CCNB1IP1: variants seen among roughly 807,000 people sequenced by gnomAD.
CCNB1IP1 encodes the protein E3 ubiquitin-protein ligase CCNB1IP1.
CCNB1IP1 carries 14 observed loss-of-function variants against 25.6 expected under a neutral mutation model. That is an observed-to-expected ratio of 0.55 (90% CI 0.36 to 0.85). The LOEUF is 0.85. Among genes scored for constraint, CCNB1IP1 ranks in the 40% least tolerant of loss-of-function variants. The pLI is 0.01. For synonymous variants in CCNB1IP1, 119 were observed against 116.1 expected, an observed-to-expected ratio of 1.02 and a Z score of -0.16; for missense variants, 278 against 342.4, an observed-to-expected ratio of 0.81 and a Z score of 1.48.
rs1427098838 is a variant in CCNB1IP1, at chr14:20,323,781, G to C, written c.-38+1758C>G. Among the ~76,000 whole-genome samples, 3 of 151,920 alleles carry C rather than the reference G, an allele frequency of 2.0e-5. No homozygotes were observed. The East Asian group carries it at 5.8e-4, about 29-fold the overall frequency. On this transcript the variant is annotated intron_variant, in intron 4 of 6. Transcript: ENST00000358932. ...AATACAAAAAAAATTAGCCAGGCGT[G>C]GTGGCGGGCGCCTGTATTCCCAGCT... is the stretch of plus-strand genomic sequence containing the variant.
intron 6 of CCNB1IP1, among the ~76,000 whole-genome samples, chr14:20,312,544 T>C (rs1332151624): frequency 1.3e-5 from 2 of 151,986 alleles, no homozygotes; most frequent in African/African-American, 4.8e-5. Context: ...TATTAAATCT[T>C]TTTCCTCAGC....
At chr14:20,315,136 CAAAAAAAAAAAAAAAAAA>C (rs1159450735) in intron 5 of CCNB1IP1, among the ~76,000 whole-genome samples, 4 of 9,066 alleles carry the variant, frequency 4.4e-4, no homozygotes, top group Non-Finnish European at 7.9e-4. Flanking sequence ...TACACCTCAC[CAAAAAAAAAAAAAAAAAA>C]AAAAAAAAAA....
At chr14:20,331,980 A>AATATATATATATGATGTGTATAC (rs1566407853) in intron 1 of CCNB1IP1, among the ~76,000 whole-genome samples, 4 of 121,180 alleles carry the variant, frequency 3.3e-5, no homozygotes, top group Admixed American at 2.5e-4. Flanking sequence ...CCTATTCAAA[A>AATATATATATATGATGTGTATAC]ATATATATAT....
rs1454276146 is a variant in CCNB1IP1 at position 20,316,380 on chromosome 14, A to G, written c.144T>C (p.Cys48=). The change falls in exon 5 of 7, where the codon TGT becomes TGC. Residue 48 remains cysteine (C), a synonymous_variant. Coordinates refer to ENST00000358932, the MANE Select transcript of CCNB1IP1 (RefSeq NM_021178.5). Reference sequence around the variant, plus strand: ...CAGAAAGGGTACTGTTGCAGGCAGGACAGATAGCTGGTGAGCGACTAAACT... The same window carrying G: ...CAGAAAGGGTACTGTTGCAGGCAGGGCAGATAGCTGGTGAGCGACTAAACT... ...SGEFSRSPAI[C]PACNSTLSGK... is the part of the protein sequence containing the mutation. The G allele has an allele frequency of 1.9e-6, 3 of 1,613,912 alleles. No individual in the cohort carries two copies. Among genetic ancestry groups the G allele is most frequent in the Non-Finnish European group, 2.5e-6 (3 of 1,179,896 alleles).
At chr14:20,316,848 G>A (rs957329528) in intron 4 of CCNB1IP1, among the ~76,000 whole-genome samples, 2 of 152,132 alleles carry the variant, frequency 1.3e-5, no homozygotes, top group South Asian at 2.1e-4. Flanking sequence ...TGGCTCAAGC[G>A]TACAATCCCA....
chr14:20,313,397 T>TG, intron 6 of CCNB1IP1, 71 bp downstream of exon 6: 1 of 1,227,350 alleles, frequency 8.1e-7, no homozygotes, highest in Non-Finnish European at 1.1e-6. Context: ...ACTGAATGCT[T>TG]GGAAGTGGGC....
intron 1 of CCNB1IP1, among the ~76,000 whole-genome samples, chr14:20,332,005 C>CATATATATATATATGATGTGTAT (rs1555314504): frequency 2.6e-4 from 17 of 66,580 alleles, no homozygotes; most frequent in African/African-American, 1.4e-3. Flanking sequence ...GATGTGTATA[C>CATATATATATATATGATGTGTAT]ATATATATAT....
chr14:20,320,380 G>A (rs951371684), intron 4 of CCNB1IP1: 1 of 454,858 alleles, frequency 2.2e-6, no homozygotes, highest in Non-Finnish European at 4.4e-6. Flanking sequence ...TGGTAGTCTA[G>A]TCTGTAACAT....
At chr14:20,333,016 T>C (rs1217437786) in intron 1 of CCNB1IP1, 1 of 152,236 alleles carries the variant, frequency 6.6e-6, no homozygotes, top group East Asian at 1.9e-4. Context: ...CTATTGTTCC[T>C]GGGTCACCAG....
At chr14:20,331,980 A>AATATATATATATGATGTGTATACAT (rs1566407853) in intron 1 of CCNB1IP1, among the ~76,000 whole-genome samples, 63 of 121,172 alleles carry the variant, frequency 5.2e-4, no homozygotes, top group African/African-American at 2.0e-3. Flanking sequence ...CCTATTCAAA[A>AATATATATATATGATGTGTATACAT]ATATATATAT....
At chr14:20,330,050 A>G (rs1883186433) in intron 1 of CCNB1IP1, among the ~76,000 whole-genome samples, 1 of 151,160 alleles carries the variant, frequency 6.6e-6, no homozygotes, top group African/African-American at 2.4e-5. Flanking sequence ...TCAACCAGCT[A>G]GTGAGTAGAA....
intron 5 of CCNB1IP1, 73 bp from the exon 6 acceptor site, chr14:20,313,874 C>A: frequency 3.4e-6 from 4 of 1,167,604 alleles, no homozygotes; most frequent in East Asian, 2.5e-5. Flanking sequence ...TATACAAACA[C>A]AAAAGGAAAA....
intron 4 of CCNB1IP1, among the ~76,000 whole-genome samples, chr14:20,321,616 AT>A: frequency 6.6e-6 from 1 of 151,774 alleles, no homozygotes; most frequent in Non-Finnish European, 1.5e-5. Context: ...CACCCAGCTA[AT>A]TTTTTTTGTA....
rs1335072400 is a variant in CCNB1IP1, at chr14:20,316,393, G to A, written c.131C>T (p.Ser44Leu). Residue 44 changes from serine (S) to leucine (L), a missense_variant, in exon 5 of 7, where the codon TCA (serine) becomes TTA (leucine). Physicochemically the swap from Ser to Leu is moderately radical, Grantham distance 145. Transcript: ENST00000358932. Reference sequence around the variant, plus strand: ...GTTGCAGGCAGGACAGATAGCTGGTGAGCGACTAAACTCACCACTGCCATG... The same window carrying A: ...GTTGCAGGCAGGACAGATAGCTGGTAAGCGACTAAACTCACCACTGCCATG... ...DQHGSGEFSR[S>L]PAICPACNST... 5 of 1,613,894 alleles carry A rather than the reference G, an allele frequency of 3.1e-6. No individual in the cohort carries two copies. Among genetic ancestry groups the A allele is most frequent in the African/African-American group, 1.3e-5 (1 of 74,922 alleles).
chr14:20,320,822 A>C (rs1178147642), intron 4 of CCNB1IP1, among the ~76,000 whole-genome samples: 1 of 148,032 alleles, frequency 6.8e-6, no homozygotes, highest in Non-Finnish European at 1.5e-5. Flanking sequence ...AAAAAAAAAA[A>C]ATTATAGATA....
intron 6 of CCNB1IP1, among the ~76,000 whole-genome samples, chr14:20,312,345 T>C (rs909860166): frequency 6.6e-6 from 1 of 152,106 alleles, no homozygotes; most frequent in Non-Finnish European, 1.5e-5. Context: ...TATTCTTATA[T>C]CTGATATTCC....
chr14:20,314,465 T>C (rs1246452633), intron 5 of CCNB1IP1: 9 of 152,154 alleles, frequency 5.9e-5, no homozygotes, highest in Non-Finnish European at 2.9e-5. Context: ...AAACTCAAAA[T>C]GGTTCACAGA....
Position 20,313,674 on chromosome 14 carries a change from T to A in CCNB1IP1, c.425A>T (p.Glu142Val). ...KDVELTSMKGEVTSMKKVLEE... is the reference protein window; with the variant it reads ...KDVELTSMKGVVTSMKKVLEE... ...TAGTACTTTCTTCATGGAGGTAACC[T>A]CCCCTTTCATAGAGGTCAATTCTAC... Residue 142 changes from glutamate to valine, a missense_variant, in exon 6 of 7, where the codon GAG becomes GTG. Coordinates refer to ENST00000358932, the MANE Select transcript of CCNB1IP1 (RefSeq NM_021178.5). The A allele has an allele frequency of 6.2e-7, 1 of 1,614,198 alleles. No individual in the cohort carries two copies. Among genetic ancestry groups the A allele is most frequent in the Non-Finnish European group, 8.5e-7 (1 of 1,180,022 alleles).
intron 4 of CCNB1IP1, among the ~76,000 whole-genome samples, chr14:20,322,529 C>T (rs970247408): frequency 2.0e-5 from 3 of 151,662 alleles, no homozygotes; most frequent in African/African-American, 7.3e-5. Context: ...AAATTGATTC[C>T]ATAAAGCCAT....
Sources: gnomAD v4.1 joint callset for allele counts (sites outside exome capture counted in the v4.1 genomes callset) on GRCh38, gnomAD v4.1.1 for gene constraint, MANE v1.5 for transcripts, NCBI Gene and HGNC (gene_info 2026-07-23, HGNC 2026-07-21) for gene names.